Variants in CPLANE1 observed in about 807,000 individuals in gnomAD.
The protein encoded by CPLANE1 is ciliogenesis and planar polarity effector complex subunit 1, also known as ciliogenesis and planar polarity effector 1.
Under a neutral mutation model 362.5 loss-of-function variants are expected in CPLANE1, and 263 were observed. That is an observed-to-expected ratio of 0.73 (90% CI 0.66 to 0.80). CPLANE1 has a LOEUF of 0.80. CPLANE1 is among the 30% of genes least tolerant of loss of function. CPLANE1 has a pLI of 0.00. For synonymous variants in CPLANE1, 1,212 were observed against 1,302.6 expected, an observed-to-expected ratio of 0.93 and a Z score of 1.50; for missense variants, 3,461 against 3,793.4, an observed-to-expected ratio of 0.91 and a Z score of 2.30.
intron 44 of CPLANE1, chr5:37,140,992 A>G: frequency 1.0e-6 from 1 of 985,326 alleles, no homozygotes; most frequent in Non-Finnish European, 1.2e-6. Flanking sequence ...ACCTAGTTAT[A>G]CCTTTGCCTT....
intron 30 of CPLANE1, among the ~76,000 whole-genome samples, chr5:37,177,162 T>C (rs1781400124): frequency 6.6e-6 from 1 of 152,150 alleles, no homozygotes; most frequent in Non-Finnish European, 1.5e-5. Flanking sequence ...TGCCTTCAGC[T>C]CTCCTTGAAG....
chr5:37,184,510 C>T (rs1783470451), intron 25 of CPLANE1, among the ~76,000 whole-genome samples: 1 of 152,024 alleles, frequency 6.6e-6, no homozygotes, highest in African/African-American at 2.4e-5. Context: ...ACTGAAAGTC[C>T]TCCAGTGAAG....
chr5:37,206,394 G>A lies in CPLANE1; in HGVS notation c.2952C>T (p.His984=), dbSNP rs1244372757. 6.4e-7 allele frequency: 1 copy of A among 1,551,448 alleles called. No homozygotes were observed. The highest frequency in any genetic ancestry group is 1.4e-5 in the African/African-American group (1 of 73,036). The change falls in exon 17 of 53, where the codon CAC becomes CAT. Residue 984 remains histidine (H), a synonymous_variant. Coordinates refer to ENST00000651892, the MANE Select transcript of CPLANE1 (RefSeq NM_001384732.1). ...EQSFRLIPLQ[H]SKVASVVRDQ... ...CTCTAACAACACTGGCCACCTTAGA[G>A]TGTTGCAGAGGAATAAGTCGAAAGG...
chr5:37,173,819 T>C lies in CPLANE1; in HGVS notation c.6107A>G (p.Gln2036Arg). ...QKTQRNEFTA[Q>R]LPDCSESVRQ... is the part of the protein sequence containing the mutation. ...AACGGACTCCGAACAATCTGGTAAC[T>C]GAGCCGTGAATTCATTTCTCTGGGT... Residue 2036 changes from glutamine (Q) to arginine (R), a missense_variant, in exon 32 of 53, where the codon CAG becomes CGG. Physicochemically the swap from Gln to Arg is conservative, Grantham distance 43 (BLOSUM62 1). This residue lies in a region of CPLANE1 where 3,380 missense variants were observed against 3,666.1 expected (regional missense o/e 0.92). Coordinates refer to ENST00000651892, the MANE Select transcript of CPLANE1 (RefSeq NM_001384732.1). 6.2e-7 allele frequency: 1 copy of C among 1,614,192 alleles called. No homozygotes were observed. Among genetic ancestry groups the C allele is most frequent in the East Asian group, 2.2e-5 (1 of 44,876 alleles).
At chr5:37,243,668 A>C (rs1163901790) in intron 5 of CPLANE1, among the ~76,000 whole-genome samples, 1 of 147,462 alleles carries the variant, frequency 6.8e-6, no homozygotes, top group African/African-American at 2.5e-5. Flanking sequence ...TAATATATAA[A>C]AAATATATAT....
chr5:37,194,204 G>A (rs905788122), intron 21 of CPLANE1, among the ~76,000 whole-genome samples: 2 of 152,068 alleles, frequency 1.3e-5, no homozygotes, highest in African/African-American at 2.4e-5. Flanking sequence ...TTACAGGCAT[G>A]AGCCACCACG....
intron 16 of CPLANE1, chr5:37,212,311 C>T (rs1187019040): frequency 3.2e-6 from 3 of 927,892 alleles, no homozygotes; most frequent in Admixed American, 3.4e-5. Context: ...CTAGTGGACA[C>T]ACTGCAATGT....
At chr5:37,157,543 G>A in intron 40 of CPLANE1, 123 bp from the exon 41 acceptor site, 1 of 1,110,690 alleles carries the variant, frequency 9.0e-7, no homozygotes, top group Non-Finnish European at 1.3e-6. Context: ...GAACATTTCT[G>A]TGCATGTAAA....
chr5:37,190,126 T>C lies in CPLANE1; in HGVS notation c.3812-2284A>G, dbSNP rs561695584. On this transcript the variant is annotated intron_variant, in intron 21 of 52. Transcript: ENST00000651892. ...TACCTTGCTATAAAATCTGCACTTA[T>C]TTTAAATCATGGTCAAAAATGTTTG... Among the ~76,000 whole-genome samples, 6 of 152,292 alleles carry C rather than the reference T, an allele frequency of 3.9e-5. No homozygotes were observed. The South Asian group carries it at 1.2e-3, about 32-fold the overall frequency.
At position 37,142,373 on chromosome 5, in the gene CPLANE1, A is replaced by T. The variant is rs778010488; in HGVS notation, c.8569T>A (p.Phe2857Ile). 1.2e-6 allele frequency: 2 copies of T among 1,611,816 alleles called. No individual in the cohort carries two copies. Among genetic ancestry groups the T allele is most frequent in the Admixed American group, 3.4e-5 (2 of 59,596 alleles). ...ENYSGQKTCV[F>I]PTADSAVSLS... ...CTGACAGCTGAATCGGCAGTAGGAA[A>T]CACACAGGTTTTCTGACCAGAATAA... Residue 2857 changes from phenylalanine (F) to isoleucine (I), a missense_variant, in exon 44 of 53, where the codon TTT becomes ATT. Physicochemically the swap from Phe to Ile is conservative, Grantham distance 21. Coordinates refer to ENST00000651892, the MANE Select transcript of CPLANE1 (RefSeq NM_001384732.1).
chr5:37,168,701 C>T, intron 34 of CPLANE1, 90 bp downstream of exon 34: 3 of 1,073,594 alleles, frequency 2.8e-6, no homozygotes, highest in African/African-American at 1.6e-5. Context: ...TTTTTATGTA[C>T]AAGAGCTTTT....
chr5:37,123,045 T>C (rs1193496857), intron 47 of CPLANE1, among the ~76,000 whole-genome samples: 2 of 152,230 alleles, frequency 1.3e-5, no homozygotes, highest in Non-Finnish European at 2.9e-5. Flanking sequence ...GAAGCACCTA[T>C]GCTTTGTACT....
chr5:37,083,098 A>G, the CPLANE1 span, among the ~76,000 whole-genome samples: 6 of 152,110 alleles, frequency 3.9e-5, no homozygotes, highest in Non-Finnish European at 8.8e-5. Context: ...AGTTCACATC[A>G]CAGGACTCTG....
In CPLANE1 at chr5:37,210,868, GC is replaced by G; in HGVS notation, c.2920+2690del. The G allele has an allele frequency of 3.7e-6, 3 of 807,274 alleles. No homozygotes were observed. In the South Asian group the frequency reaches 4.0e-5, roughly 11 times the overall value. The allele number at this position is 807,274 out of a possible 1,614,324, so 50.0% of individuals were successfully genotyped here. On this transcript the variant is annotated intron_variant, in intron 16 of 52. Transcript: ENST00000651892. ...GTGGTTGAGCATGAGGAGTTCGAAAGCCGCAAACAAGCTCTGCACAAACAAC... is the reference window on the plus strand; with the variant it reads ...GTGGTTGAGCATGAGGAGTTCGAAAGCGCAAACAAGCTCTGCACAAACAAC...
chr5:37,177,949 G>C (rs1781639418), intron 29 of CPLANE1, among the ~76,000 whole-genome samples: 1 of 152,094 alleles, frequency 6.6e-6, no homozygotes, highest in African/African-American at 2.4e-5. Flanking sequence ...TGTGTCAGTA[G>C]ACTAACACAC....
Position 37,187,409 on chromosome 5 carries a change from A to T in CPLANE1, c.4080+5T>A, listed in dbSNP as rs1784380128. The T allele has an allele frequency of 6.2e-7, 1 of 1,606,700 alleles. No homozygotes were observed. On this transcript the variant is annotated splice_donor_5th_base_variant and intron_variant, in intron 23 of 52. Transcript: ENST00000651892. Reference sequence around the variant, plus strand: ...GTAGTTTACTTTCACCTACAAGCACATTACCTTTCTGATTGGTGGCAGTTC... The same window carrying T: ...GTAGTTTACTTTCACCTACAAGCACTTTACCTTTCTGATTGGTGGCAGTTC...
chr5:37,097,695 T>C, the CPLANE1 span, among the ~76,000 whole-genome samples: 6 of 152,162 alleles, frequency 3.9e-5, no homozygotes, highest in African/African-American at 1.4e-4. Flanking sequence ...GGATGATATA[T>C]TCAAAGTGCT....
chr5:37,244,403 A>T lies in CPLANE1; in HGVS notation c.542T>A (p.Val181Glu). 1 of 1,550,562 alleles carries T rather than the reference A, an allele frequency of 6.4e-7. No individual in the cohort carries two copies. Among genetic ancestry groups the T allele is most frequent in the Non-Finnish European group, 8.7e-7 (1 of 1,146,716 alleles). The change falls in exon 5 of 53, where the codon GTA becomes GAA. Residue 181 changes from valine to glutamate, a missense_variant. Around this residue, in one of 2 missense-constraint regions of CPLANE1, gnomAD observed 3,380 missense variants for 3,666.1 expected, o/e 0.92. Transcript: ENST00000651892. ...LLPSTEDKEA[V>E]VNAVFIKNEL... Reference sequence around the variant, plus strand: ...ATTTTTTATAAAAACAGCATTCACTACAGCTTCTTTATCTTCGGTGGAAGG... The same window carrying T: ...ATTTTTTATAAAAACAGCATTCACTTCAGCTTCTTTATCTTCGGTGGAAGG...
Position 37,201,778 on chromosome 5 carries a change from A to C in CPLANE1, c.3320T>G (p.Leu1107Arg). 6.2e-7 allele frequency: 1 copy of C among 1,613,434 alleles called. No homozygotes were observed. The highest frequency in any genetic ancestry group is 8.5e-7 in the Non-Finnish European group (1 of 1,179,572). Residue 1107 changes from leucine (L) to arginine (R), a missense_variant, in exon 19 of 53, where the codon CTA (leucine) becomes CGA (arginine). Around this residue, in one of 2 missense-constraint regions of CPLANE1, gnomAD observed 3,380 missense variants for 3,666.1 expected, o/e 0.92. Coordinates refer to ENST00000651892, the MANE Select transcript of CPLANE1 (RefSeq NM_001384732.1). ...CAGTACTTCTTGTACTGAACCAAAT[A>C]GCAGATTTGCATCTTCCTCTTCAAT... is the stretch of plus-strand genomic sequence containing the variant. The part of the protein sequence containing the change: ...DPIEEEDANL[L>R]FGSVQEVLKA...
Sources: gnomAD v4.1 joint callset for allele counts (sites outside exome capture counted in the v4.1 genomes callset) on GRCh38, gnomAD v4.1.1 for gene constraint, gnomAD v4.1.1 regional missense constraint, MANE v1.5 for transcripts, NCBI Gene and HGNC (gene_info 2026-07-23, HGNC 2026-07-21) for gene names.